Variants in RAB11FIP2 observed in about 807,000 individuals in gnomAD.
RAB11FIP2 encodes the protein RAB11 family interacting protein 2.
In RAB11FIP2, 16 loss-of-function variants were observed where a neutral mutation model predicts 40.9. The observed-to-expected ratio is 0.39, with a 90% CI of 0.26 to 0.59. The LOEUF (loss-of-function observed/expected upper bound fraction) is 0.59. Among genes scored for constraint, RAB11FIP2 ranks in the 20% least tolerant of loss-of-function variants. The pLI is 0.53. For missense variants in RAB11FIP2, 532 were observed against 606.2 expected (o/e 0.88, Z 1.28); for synonymous variants, 228 against 213.7 (o/e 1.07, Z -0.58).
chr10:118,030,426 C>T (rs1231443215), intron 3 of RAB11FIP2, among the ~76,000 whole-genome samples: 1 of 152,032 alleles, frequency 6.6e-6, no homozygotes, highest in Non-Finnish European at 1.5e-5. Flanking sequence ...TGTCCAGTGC[C>T]TAAGAGCTCG....
At position 118,005,803 on chromosome 10, in the gene RAB11FIP2, G is replaced by A. The variant is rs1302076618; in HGVS notation, c.*3195C>T. 1 of 152,434 alleles carries A rather than the reference G, an allele frequency of 6.6e-6. No individual in the cohort carries two copies. The highest frequency in any genetic ancestry group is 2.4e-5 in the African/African-American group (1 of 41,404). The allele number at this position is 152,434 out of a possible 1,614,324, so 9.4% of individuals were successfully genotyped here. A position where few individuals can be genotyped will look rare whatever the true frequency, so the allele number is the denominator to read the frequency against. On this transcript the variant is annotated 3_prime_UTR_variant, in exon 5 of 5. Coordinates refer to ENST00000355624, the MANE Select transcript of RAB11FIP2 (RefSeq NM_014904.3). ...GTTAAAGAATAAGCACCCTTCCGGG[G>A]ATGGTAGGCAGGGAGGCGTGGTGGT...
rs1460603564 is a variant in RAB11FIP2 at position 118,006,478 on chromosome 10, G to C, written c.*2520C>G. The C allele has an allele frequency of 6.6e-6, 1 of 151,946 alleles. No homozygotes were observed. The allele number at this position is 151,946 out of a possible 1,614,324, so 9.4% of individuals were successfully genotyped here. A position where few individuals can be genotyped will look rare whatever the true frequency, so the allele number is the denominator to read the frequency against. ...TCTAAGCAACTAACAAAATACATTA[G>C]AATACCTAAAGTTATGTTTTGGAAA... On this transcript the variant is annotated 3_prime_UTR_variant, in exon 5 of 5. Coordinates refer to ENST00000355624, the MANE Select transcript of RAB11FIP2 (RefSeq NM_014904.3).
chr10:118,022,350 T>C, intron 3 of RAB11FIP2, among the ~76,000 whole-genome samples: 1 of 152,202 alleles, frequency 6.6e-6, no homozygotes, highest in East Asian at 1.9e-4. Context: ...CTATGCATAC[T>C]GAATATGGCG....
rs550450237 is a variant in RAB11FIP2 at position 118,027,499 on chromosome 10, T to C, written c.1265+11473A>G. Among the ~76,000 whole-genome samples, 10 of 152,324 alleles carry C rather than the reference T, an allele frequency of 6.6e-5. No individual in the cohort carries two copies. The East Asian group carries it at 1.2e-3, about 18-fold the overall frequency. ...AGATAAAAAGTCTCTATGAAACAAA[T>C]GCATTGTATACTTCTAGAAAACAAA... is the stretch of plus-strand genomic sequence containing the variant. On this transcript the variant is annotated intron_variant, in intron 3 of 4. Coordinates refer to ENST00000355624, the MANE Select transcript of RAB11FIP2 (RefSeq NM_014904.3).
rs1476284842 is a variant in RAB11FIP2, at chr10:118,015,084, T to C, written c.1292A>G (p.Glu431Gly). The C allele has an allele frequency of 6.2e-7, 1 of 1,610,548 alleles. No homozygotes were observed. Among genetic ancestry groups the C allele is most frequent in the Non-Finnish European group, 8.5e-7 (1 of 1,177,852 alleles). The part of the protein sequence containing the change: ...SSFHMSPTSN[E>G]DLRKIPDSNP... ...ACTTACCGGGATTTTCCTGAGGTCT[T>C]CATTGCTTGTTGGACTCATATGAAA... The change falls in exon 4 of 5, where the codon GAA (glutamate) becomes GGA (glycine). Residue 431 changes from glutamate (E) to glycine (G), a missense_variant. By Grantham distance (98) the Glu-to-Gly change is moderately conservative (BLOSUM62 -2). Transcript: ENST00000355624.
Position 118,019,666 on chromosome 10 carries a change from A to G in RAB11FIP2, c.1266-4556T>C, listed in dbSNP as rs373184603. ...GTGAAACCCCGTCTCTACTAAAAAT[A>G]CAAAAAAAAATTAGCCGGGCGTGGT... On this transcript the variant is annotated intron_variant, in intron 3 of 4. Coordinates refer to ENST00000355624, the MANE Select transcript of RAB11FIP2 (RefSeq NM_014904.3). Among the ~76,000 whole-genome samples, 24 of 152,054 alleles carry G rather than the reference A, an allele frequency of 1.6e-4. No homozygotes were observed. In the East Asian group the frequency reaches 1.8e-3, roughly 11 times the overall value.
chr10:118,021,095 C>T (rs1344103465), intron 3 of RAB11FIP2, among the ~76,000 whole-genome samples: 1 of 152,090 alleles, frequency 6.6e-6, no homozygotes, highest in Non-Finnish European at 1.5e-5. Context: ...CACACACACA[C>T]AAACTCCTGG....
intron 3 of RAB11FIP2, among the ~76,000 whole-genome samples, chr10:118,032,201 A>G (rs886264131): frequency 1.2e-4 from 18 of 152,182 alleles, no homozygotes; most frequent in Non-Finnish European, 1.8e-4. Context: ...AAGAATACAC[A>G]TCATGGAATT....
chr10:118,009,718 G>A (rs1846133630), intron 4 of RAB11FIP2, among the ~76,000 whole-genome samples: 1 of 151,994 alleles, frequency 6.6e-6, no homozygotes, highest in South Asian at 2.1e-4. Context: ...TTTCTAATTT[G>A]CTATGAAAAT....
chr10:118,027,874 C>T (rs1589643626), intron 3 of RAB11FIP2, among the ~76,000 whole-genome samples: 5 of 152,114 alleles, frequency 3.3e-5, no homozygotes, highest in Admixed American at 3.3e-4. Flanking sequence ...TCTAGTCATG[C>T]CCCAACTTAC....
chr10:118,021,860 T>G (rs1272698474), intron 3 of RAB11FIP2, among the ~76,000 whole-genome samples: 1 of 152,222 alleles, frequency 6.6e-6, no homozygotes, highest in Non-Finnish European at 1.5e-5. Context: ...TTTCTTAAGG[T>G]TGTTTTCAGG....
At chr10:118,017,271 T>C (rs1241949230) in intron 3 of RAB11FIP2, among the ~76,000 whole-genome samples, 1 of 152,154 alleles carries the variant, frequency 6.6e-6, no homozygotes, top group Non-Finnish European at 1.5e-5. Flanking sequence ...GCCCTGAACA[T>C]ATAGGCCACA....
At chr10:118,045,107 T>C (rs922838227) in intron 1 of RAB11FIP2, among the ~76,000 whole-genome samples, 1 of 152,204 alleles carries the variant, frequency 6.6e-6, no homozygotes, top group African/African-American at 2.4e-5. Context: ...CAAAAATTTA[T>C]CATTCTCTCC....
Position 118,008,113 on chromosome 10 carries a change from G to C in RAB11FIP2, c.*885C>G, listed in dbSNP as rs1333312463. The C allele has an allele frequency of 2.0e-5, 3 of 152,306 alleles. No homozygotes were observed. Among genetic ancestry groups the C allele is most frequent in the Non-Finnish European group, 4.4e-5 (3 of 67,976 alleles). 9.4% of individuals were successfully genotyped at this position (152,306 alleles called of 1,614,324 possible). A position where few individuals can be genotyped will look rare whatever the true frequency, so the allele number is the denominator to read the frequency against. ...AATTTCAACAAAACAAGCTATATTAGCTTATCTTCTGCTTATACCTTAAAC... is the reference window on the plus strand; with the variant it reads ...AATTTCAACAAAACAAGCTATATTACCTTATCTTCTGCTTATACCTTAAAC... On this transcript the variant is annotated 3_prime_UTR_variant, in exon 5 of 5. Transcript: ENST00000355624.
At chr10:118,041,427 G>A (rs981930400) in intron 1 of RAB11FIP2, among the ~76,000 whole-genome samples, 2 of 151,950 alleles carry the variant, frequency 1.3e-5, no homozygotes, top group Non-Finnish European at 2.9e-5. Context: ...CAATATTTTG[G>A]TTTTATAGTA....
chr10:118,039,687 T>C (rs1224944188), intron 2 of RAB11FIP2: 3 of 446,082 alleles, frequency 6.7e-6, no homozygotes, highest in Admixed American at 3.9e-5. Context: ...ATATAAACTA[T>C]GATGTCAAAA....
chr10:118,009,703 A>C (rs1846133487), intron 4 of RAB11FIP2, among the ~76,000 whole-genome samples: 1 of 152,088 alleles, frequency 6.6e-6, no homozygotes, highest in South Asian at 2.1e-4. Context: ...TTACAGCAAA[A>C]ATCTTTTCTA....
intron 4 of RAB11FIP2, 64 bp from the exon 5 acceptor site, chr10:118,009,289 CCT>C: frequency 7.0e-7 from 1 of 1,421,564 alleles, no homozygotes; most frequent in Non-Finnish European, 9.7e-7. Flanking sequence ...TTAAGAATTA[CCT>C]GGAACTTCGA....
At position 118,006,168 on chromosome 10, in the gene RAB11FIP2, C is replaced by T. The variant is rs1206887545; in HGVS notation, c.*2830G>A. On this transcript the variant is annotated 3_prime_UTR_variant, in exon 5 of 5. Transcript: ENST00000355624. The stretch of plus-strand genomic sequence containing the variant: ...GGTATTCAATAAATGAAACTTGAAG[C>T]GTAAGTGGTAGGAAGGTATGTTCAA... The T allele has an allele frequency of 5.9e-5, 9 of 152,342 alleles. No individual in the cohort carries two copies. The highest frequency in any genetic ancestry group is 8.8e-5 in the Non-Finnish European group (6 of 67,984). The allele number at this position is 152,342 out of a possible 1,614,324, so 9.4% of individuals were successfully genotyped here. A position where few individuals can be genotyped will look rare whatever the true frequency, so the allele number is the denominator to read the frequency against.
Sources: allele counts gnomAD v4.1 joint callset (sites outside exome capture counted in the v4.1 genomes callset), GRCh38; gene constraint gnomAD v4.1.1; transcripts MANE v1.5; gene names NCBI Gene and HGNC (gene_info 2026-07-23, HGNC 2026-07-21).